The following CPNE8 variants were observed in gnomAD, a reference collection of about 807,000 sequenced individuals.
CPNE8 encodes copine-8.
CPNE8 carries 45 observed loss-of-function variants against 81.5 expected under a neutral mutation model. That is an observed-to-expected ratio of 0.55 (90% CI 0.44 to 0.71). CPNE8 has a LOEUF of 0.71. CPNE8 is among the 30% of genes least tolerant of loss of function. CPNE8 has a pLI of 0.00. For synonymous variants in CPNE8, 252 were observed against 226.3 expected (o/e 1.11, Z -1.02); for missense variants, 594 against 672.1 (o/e 0.88, Z 1.28).
intron 6 of CPNE8, among the ~76,000 whole-genome samples, chr12:38,791,827 T>G (rs980378207): frequency 1.3e-5 from 2 of 151,522 alleles, no homozygotes; most frequent in Admixed American, 1.3e-4. Flanking sequence ...ACAGACCACA[T>G]TTTAGGACAC....
chr12:38,881,452 T>C (rs1944156935), intron 1 of CPNE8, among the ~76,000 whole-genome samples: 1 of 152,174 alleles, frequency 6.6e-6, no homozygotes, highest in African/African-American at 2.4e-5. Flanking sequence ...AACTTTATCA[T>C]AAATGACAGA....
At chr12:38,799,264 C>T (rs911083549) in intron 6 of CPNE8, among the ~76,000 whole-genome samples, 3 of 152,074 alleles carry the variant, frequency 2.0e-5, no homozygotes, top group Non-Finnish European at 4.4e-5. Context: ...CAGCACACCA[C>T]ACCTATTCCA....
At chr12:38,796,976 C>G (rs954608236) in intron 6 of CPNE8, among the ~76,000 whole-genome samples, 3 of 152,110 alleles carry the variant, frequency 2.0e-5, no homozygotes, top group Non-Finnish European at 4.4e-5. Flanking sequence ...AACTGCAAGG[C>G]GGCAGCAAGG....
intron 19 of CPNE8, among the ~76,000 whole-genome samples, chr12:38,659,377 CA>C (rs1938898996): frequency 6.6e-6 from 1 of 152,164 alleles, no homozygotes; most frequent in Non-Finnish European, 1.5e-5. Context: ...GCACCCAATA[CA>C]AGAGCACCCA....
At chr12:38,837,990 G>A (rs1432680951) in intron 5 of CPNE8, among the ~76,000 whole-genome samples, 2 of 152,032 alleles carry the variant, frequency 1.3e-5, no homozygotes, top group African/African-American at 2.4e-5. Flanking sequence ...GTAGTCACTA[G>A]TGACTATTAA....
At position 38,902,296 on chromosome 12, in the gene CPNE8, A is replaced by AAGG. The variant is rs1565669902; in HGVS notation, c.98+3140_98+3141insCCT. Among the ~76,000 whole-genome samples the AAGG allele has an allele frequency of 2.6e-3, 144 of 56,146 alleles. 38 individuals carry two copies. The highest frequency in any genetic ancestry group is 0.014 in the African/African-American group (138 of 9,548). 36.8% of individuals were successfully genotyped at this position (56,146 alleles called of 152,430 possible). ...AAAGAAAAGAAAGAAGGAAGGAAGG[A>AAGG]AAGGAAGGAAGGAAGGAAGGAAAGA... On this transcript the variant is annotated intron_variant, in intron 1 of 19. Transcript: ENST00000331366.
At chr12:38,705,873 A>C (rs1279416972) in intron 13 of CPNE8, among the ~76,000 whole-genome samples, 2 of 152,100 alleles carry the variant, frequency 1.3e-5, no homozygotes, top group South Asian at 2.1e-4. Flanking sequence ...ACAACATGAG[A>C]TATTACATAT....
chr12:38,782,639 T>G (rs1341332055), intron 6 of CPNE8, among the ~76,000 whole-genome samples: 1 of 151,958 alleles, frequency 6.6e-6, no homozygotes, highest in Non-Finnish European at 1.5e-5. Context: ...AGCTTCTGAT[T>G]AAAGTAAACA....
At chr12:38,771,575 AT>A (rs1941805028) in intron 7 of CPNE8, among the ~76,000 whole-genome samples, 1 of 152,238 alleles carries the variant, frequency 6.6e-6, no homozygotes, top group Admixed American at 6.5e-5. Flanking sequence ...ATAAAACTGT[AT>A]CAAAATAAGT....
At chr12:38,663,488 C>A (rs1939002834) in intron 19 of CPNE8, among the ~76,000 whole-genome samples, 1 of 151,656 alleles carries the variant, frequency 6.6e-6, no homozygotes, top group Admixed American at 6.6e-5. Flanking sequence ...TGGCTATTAC[C>A]AAAAAGACAA....
intron 10 of CPNE8, among the ~76,000 whole-genome samples, chr12:38,740,116 C>T (rs990028823): frequency 6.6e-6 from 1 of 152,112 alleles, no homozygotes; most frequent in Non-Finnish European, 1.5e-5. Context: ...ATCTTCACAT[C>T]CCTTGTAAGT....
intron 16 of CPNE8, among the ~76,000 whole-genome samples, chr12:38,680,602 C>T (rs900954446): frequency 2.0e-5 from 3 of 151,950 alleles, no homozygotes; most frequent in African/African-American, 2.4e-5. Flanking sequence ...AGCTCTACCA[C>T]AAATGATCAC....
At chr12:38,847,392 G>T (rs888453850) in intron 4 of CPNE8, among the ~76,000 whole-genome samples, 1 of 152,126 alleles carries the variant, frequency 6.6e-6, no homozygotes, top group Non-Finnish European at 1.5e-5. Flanking sequence ...AATAATGGGA[G>T]AATTCAACCA....
Position 38,724,910 on chromosome 12 carries a change from A to ATGT in CPNE8, c.799-12_799-11insACA. On this transcript the variant is annotated splice_polypyrimidine_tract_variant and intron_variant, in intron 11 of 19. Coordinates refer to ENST00000331366, the MANE Select transcript of CPNE8 (RefSeq NM_153634.3). ...TTTGGGATTCACCACCTTAAAAAGC[A>ATGT]GATAAAACAATTAAAATGTGTTAGG... 1 of 1,523,072 alleles carries ATGT rather than the reference A, an allele frequency of 6.6e-7. No homozygotes were observed. Among genetic ancestry groups the ATGT allele is most frequent in the Non-Finnish European group, 9.0e-7 (1 of 1,108,670 alleles). The allele number at this position is 1,523,072 out of a possible 1,614,324, so 94.3% of individuals were successfully genotyped here.
intron 6 of CPNE8, among the ~76,000 whole-genome samples, chr12:38,788,671 A>G (rs911446100): frequency 6.6e-6 from 1 of 151,886 alleles, no homozygotes; most frequent in East Asian, 1.9e-4. Flanking sequence ...AAGGAGTCAA[A>G]TTGTACTTGT....
At chr12:38,853,956 G>A (rs188196791) in intron 3 of CPNE8, among the ~76,000 whole-genome samples, 2 of 152,102 alleles carry the variant, frequency 1.3e-5, no homozygotes, top group Admixed American at 6.5e-5. Flanking sequence ...CTTGTCAAGT[G>A]AAAGTGATGA....
intron 1 of CPNE8, among the ~76,000 whole-genome samples, chr12:38,884,724 G>A (rs2137128777): frequency 6.6e-6 from 1 of 151,854 alleles, no homozygotes; most frequent in South Asian, 2.1e-4. Flanking sequence ...TAATTGTATA[G>A]TGGTATGAAG....
At chr12:38,738,017 G>C (rs1014723373) in intron 10 of CPNE8, among the ~76,000 whole-genome samples, 1 of 152,076 alleles carries the variant, frequency 6.6e-6, no homozygotes, top group African/African-American at 2.4e-5. Context: ...CCATAGTTGT[G>C]CCAGAGTTGC....
At chr12:38,797,141 G>C (rs554634754) in intron 6 of CPNE8, among the ~76,000 whole-genome samples, 10 of 152,310 alleles carry the variant, frequency 6.6e-5, no homozygotes, top group East Asian at 5.8e-4. Context: ...CAAAAAGACA[G>C]CAGTAACCTC....
Sources: allele counts gnomAD v4.1 joint callset (sites outside exome capture counted in the v4.1 genomes callset), GRCh38; gene constraint gnomAD v4.1.1; transcripts MANE v1.5; gene names NCBI Gene and HGNC (gene_info 2026-07-23, HGNC 2026-07-21).